Variants in RIMS1 observed in about 807,000 individuals in gnomAD.
The protein encoded by RIMS1 is regulating synaptic membrane exocytosis protein 1.
In RIMS1, 83 loss-of-function variants were observed where a neutral mutation model predicts 214.1. The ratio of observed to expected loss-of-function variants is 0.39; its 90% CI spans 0.32 to 0.47. The LOEUF (loss-of-function observed/expected upper bound fraction) is 0.47, where lower values mean the gene tolerates loss of function less well. Among genes scored for constraint, RIMS1 ranks in the 20% least tolerant of loss-of-function variants. The pLI is 0.99. For missense variants in RIMS1, 2,050 were observed against 2,161.8 expected (o/e 0.95, Z 1.03); for synonymous variants, 793 against 786.8 (o/e 1.01, Z -0.13).
chr6:72,149,140 G>GA (rs542638208), intron 4 of RIMS1, among the ~76,000 whole-genome samples: 2 of 151,262 alleles, frequency 1.3e-5, no homozygotes, highest in South Asian at 2.1e-4. Context: ...TTCAACAGGG[G>GA]AAAAAAAAAC....
chr6:72,345,853 T>C (rs1398642158), intron 29 of RIMS1, among the ~76,000 whole-genome samples: 2 of 151,692 alleles, frequency 1.3e-5, no homozygotes, highest in East Asian at 1.9e-4. Flanking sequence ...TACCATTTAC[T>C]AAGAGGGTGG....
chr6:71,958,023 T>A (rs1791802489), intron 1 of RIMS1, among the ~76,000 whole-genome samples: 1 of 152,158 alleles, frequency 6.6e-6, no homozygotes, highest in Non-Finnish European at 1.5e-5. Flanking sequence ...TATCAAGATG[T>A]TGTTATTTAA....
At chr6:72,386,080 A>T (rs2815741) in intron 29 of RIMS1, among the ~76,000 whole-genome samples, 15 of 151,954 alleles carry the variant, frequency 9.9e-5, no homozygotes, top group Non-Finnish European at 2.1e-4. Flanking sequence ...CTCAAATGAT[A>T]TTTTTCAAGC....
intron 2 of RIMS1, among the ~76,000 whole-genome samples, chr6:71,978,532 T>C (rs1260358745): frequency 3.3e-5 from 5 of 152,152 alleles, no homozygotes; most frequent in Non-Finnish European, 1.5e-5. Context: ...GATACAAATA[T>C]TGCACCTTTT....
At chr6:72,030,197 A>C (rs1467509353) in intron 2 of RIMS1, among the ~76,000 whole-genome samples, 1 of 152,202 alleles carries the variant, frequency 6.6e-6, no homozygotes, top group African/African-American at 2.4e-5. Flanking sequence ...TTGATTCATT[A>C]GGATGTGGTG....
chr6:72,262,503 A>G, intron 19 of RIMS1: 1 of 985,302 alleles, frequency 1.0e-6, no homozygotes, highest in Non-Finnish European at 1.2e-6. Flanking sequence ...AACATATGTC[A>G]CCAGTGTCTT....
intron 6 of RIMS1, among the ~76,000 whole-genome samples, chr6:72,209,006 TACAG>T (rs1205539766): frequency 1.3e-5 from 2 of 152,200 alleles, no homozygotes; most frequent in African/African-American, 4.8e-5. Flanking sequence ...AAGCAAATGA[TACAG>T]ACCAGTTCTC....
At position 72,251,308 on chromosome 6, in the gene RIMS1, C is replaced by A. The variant is rs1327584179; in HGVS notation, c.2638C>A (p.Pro880Thr). Residue 880 changes from proline to threonine, a missense_variant, in exon 15 of 34, where the codon CCA becomes ACA. Pro to Thr is a conservative substitution (Grantham distance 38). Coordinates refer to ENST00000521978, the MANE Select transcript of RIMS1 (RefSeq NM_014989.7). ...TGAGTCTTCACTACCTCTGCCTCAG[C>A]CATCACCTTTCATGCCAAGGCGACA... The part of the protein sequence containing the change: ...HDESSLPLPQ[P>T]SPFMPRRHIH... The A allele has an allele frequency of 1.2e-6, 2 of 1,600,656 alleles. No individual in the cohort carries two copies. Among genetic ancestry groups the A allele is most frequent in the African/African-American group, 2.7e-5 (2 of 74,698 alleles).
chr6:71,993,008 T>G (rs1802359036), intron 2 of RIMS1, among the ~76,000 whole-genome samples: 1 of 152,196 alleles, frequency 6.6e-6, no homozygotes, highest in East Asian at 1.9e-4. Context: ...TTCAGAGGAC[T>G]GCTAATTGGA....
At chr6:71,887,336 C>G (rs1768047222) in intron 1 of RIMS1, 149 bp downstream of exon 1, 5 of 1,009,968 alleles carry the variant, frequency 5.0e-6, no homozygotes, top group Non-Finnish European at 7.4e-6. Flanking sequence ...GCCAGGGGCG[C>G]GGGGCTTGAG....
At chr6:71,965,250 A>G (rs998547251) in intron 1 of RIMS1, among the ~76,000 whole-genome samples, 1 of 152,218 alleles carries the variant, frequency 6.6e-6, no homozygotes, top group Non-Finnish European at 1.5e-5. Flanking sequence ...AGATAAAACC[A>G]TTTAAAGTTC....
chr6:72,164,162 G>A (rs879738968), intron 4 of RIMS1, among the ~76,000 whole-genome samples: 3 of 152,194 alleles, frequency 2.0e-5, no homozygotes, highest in Non-Finnish European at 2.9e-5. Context: ...CAATGAGCGA[G>A]ACTCCGTGGG....
At chr6:71,990,049 A>G (rs2151589683) in intron 2 of RIMS1, among the ~76,000 whole-genome samples, 1 of 152,324 alleles carries the variant, frequency 6.6e-6, no homozygotes, top group African/African-American at 2.4e-5. Context: ...TTTCTGTATT[A>G]AAGTAGGCCC....
At chr6:72,180,890 C>G (rs2048320777) in intron 5 of RIMS1, among the ~76,000 whole-genome samples, 1 of 152,174 alleles carries the variant, frequency 6.6e-6, no homozygotes, top group South Asian at 2.1e-4. Flanking sequence ...CTGGCTCTGC[C>G]ACAATAGGCA....
intron 2 of RIMS1, among the ~76,000 whole-genome samples, chr6:72,041,612 C>T (rs111843550): frequency 0.012 from 1,753 of 151,952 alleles, 9 homozygotes; most frequent in Non-Finnish European, 0.017. Context: ...TCTAATAAGA[C>T]GTGGCCTCAC....
At chr6:72,123,593 T>C (rs1192603278) in intron 4 of RIMS1, among the ~76,000 whole-genome samples, 4 of 151,850 alleles carry the variant, frequency 2.6e-5, no homozygotes, top group Admixed American at 6.6e-5. Context: ...CCCATTATTA[T>C]TGTGAGGGAG....
At chr6:72,248,458 T>C (rs1590448474) in intron 12 of RIMS1, among the ~76,000 whole-genome samples, 2 of 152,192 alleles carry the variant, frequency 1.3e-5, no homozygotes, top group East Asian at 3.8e-4. Context: ...TAGGAGTTCA[T>C]ACCCCATTTA....
chr6:72,088,217 C>CTTTATTTATTTATTTA (rs3079733), intron 2 of RIMS1, among the ~76,000 whole-genome samples: 12 of 142,804 alleles, frequency 8.4e-5, no homozygotes, highest in African/African-American at 1.6e-4. Context: ...TATTTATTTA[C>CTTTATTTATTTATTTA]TTTATTTATT....
At chr6:72,306,072 CA>C (rs1179402195) in intron 26 of RIMS1, among the ~76,000 whole-genome samples, 1 of 151,828 alleles carries the variant, frequency 6.6e-6, no homozygotes, top group Non-Finnish European at 1.5e-5. Context: ...TTAGTCATTG[CA>C]ATGGAAAAAA....
Sources: allele counts gnomAD v4.1 joint callset (sites outside exome capture counted in the v4.1 genomes callset), GRCh38; gene constraint gnomAD v4.1.1; transcripts MANE v1.5; gene names NCBI Gene and HGNC (gene_info 2026-07-23, HGNC 2026-07-21).